The following SOX5 variants were observed in gnomAD, a reference collection of about 807,000 sequenced individuals.
SOX5 encodes the protein SRY-box transcription factor 5.
A neutral mutation model predicts 92.0 loss-of-function variants in SOX5; 9 were observed. The observed-to-expected ratio is 0.10, with a 90% CI of 0.06 to 0.17. SOX5 has a LOEUF of 0.17. SOX5 is among the 10% of genes least tolerant of loss of function. The pLI, the probability that SOX5 is intolerant of heterozygous loss-of-function variation, is 1.00. For missense variants in SOX5, 642 were observed against 944.5 expected (o/e 0.68, Z 4.20); for synonymous variants, 344 against 336.3 (o/e 1.02, Z -0.25).
At chr12:24,294,235 T>C (rs569735611) in intron 2 of SOX5, among the ~76,000 whole-genome samples, 2 of 149,792 alleles carry the variant, frequency 1.3e-5, no homozygotes, top group African/African-American at 2.5e-5. Flanking sequence ...TTTCATTACA[T>C]CTGTCACTTC....
At chr12:23,820,756 G>A (rs1365904048) in intron 3 of SOX5, among the ~76,000 whole-genome samples, 1 of 151,938 alleles carries the variant, frequency 6.6e-6, no homozygotes, top group Non-Finnish European at 1.5e-5. Flanking sequence ...TATTTTTGAG[G>A]CCTCTGTTCT....
intron 2 of SOX5, among the ~76,000 whole-genome samples, chr12:24,338,047 A>G (rs989597458): frequency 3.3e-5 from 5 of 152,214 alleles, no homozygotes; most frequent in Non-Finnish European, 7.3e-5. Flanking sequence ...AAGAAATGTC[A>G]AAGATCTTCC....
chr12:24,338,800 C>T (rs1245647448), intron 2 of SOX5, among the ~76,000 whole-genome samples: 1 of 152,134 alleles, frequency 6.6e-6, no homozygotes, highest in Non-Finnish European at 1.5e-5. Flanking sequence ...TTGCCTACCA[C>T]CACGTAAGAT....
intron 1 of SOX5, among the ~76,000 whole-genome samples, chr12:24,487,732 G>A (rs1946659023): frequency 6.6e-6 from 1 of 152,136 alleles, no homozygotes. Context: ...ATTGAACTGT[G>A]GAGCTCATTC....
intron 8 of SOX5, among the ~76,000 whole-genome samples, chr12:23,617,190 C>G (rs1393945059): frequency 1.1e-4 from 16 of 150,696 alleles, no homozygotes; most frequent in Admixed American, 1.1e-3. Context: ...AAAAATGTTA[C>G]CAACTTCAGA....
intron 2 of SOX5, among the ~76,000 whole-genome samples, chr12:24,320,394 T>C (rs1370889698): frequency 6.6e-6 from 1 of 152,220 alleles, no homozygotes; most frequent in Non-Finnish European, 1.5e-5. Context: ...TTTGTAACGA[T>C]GTCACACTAA....
intron 2 of SOX5, among the ~76,000 whole-genome samples, chr12:24,279,159 A>C (rs538893076): frequency 3.3e-4 from 50 of 152,288 alleles, no homozygotes; most frequent in African/African-American, 1.2e-3. Flanking sequence ...AGGTAACCAG[A>C]TTGTAGTTGG....
At chr12:23,965,129 G>A (rs914816988) in intron 4 of SOX5, among the ~76,000 whole-genome samples, 3 of 152,164 alleles carry the variant, frequency 2.0e-5, no homozygotes, top group Non-Finnish European at 4.4e-5. Flanking sequence ...CACCCTAGCA[G>A]GACACCATCT....
chr12:24,483,286 T>C (rs962896209), intron 1 of SOX5, among the ~76,000 whole-genome samples: 2 of 152,358 alleles, frequency 1.3e-5, no homozygotes, highest in South Asian at 4.1e-4. Context: ...AGAATTTTTC[T>C]GGACAGTGAA....
chr12:23,794,198 G>T (rs2095524554), intron 3 of SOX5, among the ~76,000 whole-genome samples: 1 of 151,944 alleles, frequency 6.6e-6, no homozygotes, highest in Non-Finnish European at 1.5e-5. Flanking sequence ...TTGGTGTGCT[G>T]TTTACTGGTT....
At chr12:24,154,964 T>C (rs1314001271) in intron 4 of SOX5, among the ~76,000 whole-genome samples, 3 of 152,150 alleles carry the variant, frequency 2.0e-5, no homozygotes, top group African/African-American at 4.8e-5. Context: ...AAAGTCACAA[T>C]ATATTATTGG....
At chr12:23,892,393 C>T (rs990711481) in intron 2 of SOX5, among the ~76,000 whole-genome samples, 3 of 152,100 alleles carry the variant, frequency 2.0e-5, no homozygotes, top group African/African-American at 7.2e-5. Context: ...GGCATTGTGT[C>T]CACAGTAGGA....
At chr12:24,262,727 C>T (rs1392816998) in intron 3 of SOX5, among the ~76,000 whole-genome samples, 3 of 152,190 alleles carry the variant, frequency 2.0e-5, no homozygotes, top group East Asian at 1.9e-4. Context: ...AGGACTCTAA[C>T]ATTTTTGAAG....
At chr12:23,838,699 A>T (rs993487583) in intron 3 of SOX5, among the ~76,000 whole-genome samples, 9 of 152,122 alleles carry the variant, frequency 5.9e-5, no homozygotes, top group African/African-American at 2.2e-4. Flanking sequence ...AAATAAAAAC[A>T]TTCTCATGTT....
intron 4 of SOX5, among the ~76,000 whole-genome samples, chr12:24,113,744 C>A (rs1947649376): frequency 6.6e-6 from 1 of 152,114 alleles, no homozygotes; most frequent in Non-Finnish European, 1.5e-5. Flanking sequence ...AAAACTGCAA[C>A]CTGCAAGAGC....
intron 1 of SOX5, among the ~76,000 whole-genome samples, chr12:24,471,053 C>T (rs1451157092): frequency 1.3e-5 from 2 of 152,130 alleles, no homozygotes; most frequent in African/African-American, 4.8e-5. Flanking sequence ...AGTCTCATTG[C>T]TGCTTTGCGG....
intron 2 of SOX5, among the ~76,000 whole-genome samples, chr12:24,307,039 C>G (rs577049463): frequency 6.6e-6 from 1 of 152,056 alleles, no homozygotes; most frequent in Non-Finnish European, 1.5e-5. Context: ...TCAAGACCAA[C>G]CAGGGCAACA....
chr12:23,723,441 TATGTCAGACAATCC>T (rs2092931819), intron 6 of SOX5, among the ~76,000 whole-genome samples: 1 of 151,904 alleles, frequency 6.6e-6, no homozygotes. Flanking sequence ...CACGAGTGGC[TATGTCAGACAATCC>T]AGCAGCAGGT....
intron 1 of SOX5, among the ~76,000 whole-genome samples, chr12:24,455,375 A>T (rs567893275): frequency 5.9e-5 from 9 of 152,286 alleles, no homozygotes; most frequent in African/African-American, 1.9e-4. Context: ...GATGTCTCAT[A>T]CTGTATGTAA....
Sources: allele counts gnomAD v4.1 joint callset (sites outside exome capture counted in the v4.1 genomes callset), GRCh38; gene constraint gnomAD v4.1.1; transcripts MANE v1.5; gene names NCBI Gene and HGNC (gene_info 2026-07-23, HGNC 2026-07-21).